Variants in GRK4 observed in about 807,000 individuals in gnomAD.
GRK4 encodes the protein G protein-coupled receptor kinase 2-like.
In GRK4, 73 loss-of-function variants were observed where a neutral mutation model predicts 77.9. That is an observed-to-expected ratio of 0.94 (90% CI 0.78 to 1.14). The LOEUF is 1.14. Among genes scored for constraint, GRK4 ranks in the 50% most tolerant of loss-of-function variants. The pLI is 0.00. For missense variants in GRK4, 729 were observed against 700.2 expected (o/e 1.04, Z -0.46); for synonymous variants, 257 against 254.4 (o/e 1.01, Z -0.10).
chr4:3,020,661 T>A lies in GRK4; in HGVS notation c.932+830T>A, dbSNP rs1294287283. 2.0e-5 allele frequency among the ~76,000 whole-genome samples: 3 copies of A among 152,174 alleles called. No homozygotes were observed. The East Asian group carries it at 5.8e-4, about 29-fold the overall frequency. On this transcript the variant is annotated intron_variant, in intron 9 of 15. Coordinates refer to ENST00000398052, the MANE Select transcript of GRK4 (RefSeq NM_182982.3). ...TCTCTTCTCAGTCACTCTCCCTGGG[T>A]AATTTCATTTCCTCCCTTCTGTGGG...
At chr4:3,032,142 C>T (rs1359825715) in intron 12 of GRK4, among the ~76,000 whole-genome samples, 1 of 152,076 alleles carries the variant, frequency 6.6e-6, no homozygotes, top group Admixed American at 6.5e-5. Flanking sequence ...CCCCTAAGAG[C>T]TCACAGTTTA....
chr4:2,964,180 A>G, intron 1 of GRK4, 58 bp downstream of exon 1: 2 of 1,297,886 alleles, frequency 1.5e-6, no homozygotes, highest in Non-Finnish European at 2.1e-6. Context: ...ATCCCGGGGA[A>G]CCCTGGCCCC....
chr4:2,973,662 C>T (rs1420331325), intron 1 of GRK4, among the ~76,000 whole-genome samples: 1 of 152,206 alleles, frequency 6.6e-6, no homozygotes, highest in East Asian at 1.9e-4. Context: ...CCGACCTTTT[C>T]TCACCTCCTC....
intron 6 of GRK4, among the ~76,000 whole-genome samples, chr4:3,009,239 G>A (rs1006309807): frequency 4.6e-5 from 7 of 150,638 alleles, no homozygotes; most frequent in Non-Finnish European, 8.9e-5. Flanking sequence ...TGGTAAACAT[G>A]GTGAAAACCC....
Position 2,988,842 on chromosome 4 carries a change from G to C in GRK4, c.261+3G>C, listed in dbSNP as rs764184921. ...ACATTGAATTCTTGGATGCAGTGGT[G>C]AGCAGTTTATCTCCATATTGAGCAA... On this transcript the variant is annotated splice_donor_region_variant and intron_variant, in intron 3 of 15. Coordinates refer to ENST00000398052, the MANE Select transcript of GRK4 (RefSeq NM_182982.3). The C allele has an allele frequency of 6.4e-7, 1 of 1,556,884 alleles. No individual in the cohort carries two copies. The highest frequency in any genetic ancestry group is 1.4e-5 in the African/African-American group (1 of 73,718).
intron 8 of GRK4, among the ~76,000 whole-genome samples, chr4:3,014,319 C>A (rs113253553): frequency 0.015 from 1,884 of 125,668 alleles, 46 homozygotes; most frequent in African/African-American, 0.058. Flanking sequence ...TTTTTTGACA[C>A]AGGGTTTCGC....
chr4:2,976,921 G>A lies in GRK4; in HGVS notation c.53-7592G>A, dbSNP rs773571059. The stretch of plus-strand genomic sequence containing the variant: ...CCCAAAGTGCTGGGATGACAGGCGC[G>A]AGCCACCGCACCCGGCCGAATTTTC... On this transcript the variant is annotated intron_variant, in intron 1 of 15. Coordinates refer to ENST00000398052, the MANE Select transcript of GRK4 (RefSeq NM_182982.3). Among the ~76,000 whole-genome samples, 18 of 152,112 alleles carry A rather than the reference G, an allele frequency of 1.2e-4. 1 individual carries two copies. The highest frequency in any genetic ancestry group is 2.2e-4 in the Non-Finnish European group (15 of 68,014).
chr4:3,009,743 T>G (rs1201311118), intron 7 of GRK4, 32 bp downstream of exon 7: 7 of 1,566,678 alleles, frequency 4.5e-6, no homozygotes, highest in Non-Finnish European at 6.2e-6. Flanking sequence ...ATAGCAGCGC[T>G]GCTAGCTGGG....
At chr4:3,009,590 T>A in intron 6 of GRK4, 58 bp from the exon 7 acceptor site, 2 of 1,351,240 alleles carry the variant, frequency 1.5e-6, no homozygotes, top group Non-Finnish European at 2.1e-6. Context: ...AGTAAACTTT[T>A]CTTTTTTAAA....
intron 7 of GRK4, 99 bp from the exon 8 acceptor site, chr4:3,013,589 C>A: frequency 7.1e-7 from 1 of 1,407,754 alleles, no homozygotes. Flanking sequence ...TGCTGCTGGT[C>A]TCTGCCAGTG....
At chr4:3,013,274 G>A (rs13146104) in intron 7 of GRK4, among the ~76,000 whole-genome samples, 72,125 of 151,560 alleles carry the variant, frequency 0.48, 18,749 homozygotes, top group African/African-American at 0.68. Flanking sequence ...TTGGTTTCGA[G>A]CTCCTGACCT....
At chr4:3,038,284 C>T (rs965428270) in intron 14 of GRK4, 92 bp from the exon 15 acceptor site, 76 of 1,518,200 alleles carry the variant, frequency 5.0e-5, no homozygotes, top group African/African-American at 7.0e-5. Context: ...GTGCCCCGCA[C>T]GGGGCTGGGC....
chr4:3,029,331 G>A lies in GRK4; in HGVS notation c.1191G>A (p.Glu397=). ...ACAAAGAGAAAGTCAAATGGGAGGA[G>A]GTCGATCAAAGAATCAAGAATGATA... ...KKYKEKVKWE[E]VDQRIKNDTE... The change falls in exon 12 of 16, where the codon GAG becomes GAA. Residue 397 remains glutamate (E), a synonymous_variant. Coordinates refer to ENST00000398052, the MANE Select transcript of GRK4 (RefSeq NM_182982.3). 7 of 1,614,110 alleles carry A rather than the reference G, an allele frequency of 4.3e-6. No homozygotes were observed. The highest frequency in any genetic ancestry group is 5.9e-6 in the Non-Finnish European group (7 of 1,180,008).
At chr4:2,990,281 A>C (rs1250596950) in intron 3 of GRK4, among the ~76,000 whole-genome samples, 1 of 83,114 alleles carries the variant, frequency 1.2e-5, no homozygotes, top group Non-Finnish European at 2.2e-5. Flanking sequence ...TTTGAGACAG[A>C]GTTTTGCTCT....
intron 5 of GRK4, 125 bp downstream of exon 5, chr4:3,004,459 C>T (rs1426413410): frequency 5.2e-6 from 3 of 580,076 alleles, no homozygotes; most frequent in Middle Eastern, 5.8e-4. Context: ...ACAACATGGG[C>T]ATTAGGGACG....
At chr4:3,008,083 T>G (rs1276810016) in intron 6 of GRK4, among the ~76,000 whole-genome samples, 3 of 152,244 alleles carry the variant, frequency 2.0e-5, no homozygotes, top group South Asian at 4.1e-4. Flanking sequence ...GCATACTGAT[T>G]GACGTAGACT....
intron 1 of GRK4, among the ~76,000 whole-genome samples, chr4:2,967,305 G>T (rs112170172): frequency 0.017 from 2,647 of 152,342 alleles, 28 homozygotes; most frequent in Middle Eastern, 0.082. Context: ...TTCCTTTCAG[G>T]AATGTTGGCA....
intron 13 of GRK4, among the ~76,000 whole-genome samples, chr4:3,036,124 C>T (rs992735926): frequency 6.6e-5 from 10 of 152,242 alleles, no homozygotes; most frequent in African/African-American, 1.9e-4. Flanking sequence ...CCTGGCCACC[C>T]GTGTCCCCTT....
rs537209722 is a variant in GRK4, at chr4:3,032,298, TGG to T, written c.1269+2890_1269+2891del. 4.6e-4 allele frequency among the ~76,000 whole-genome samples: 67 copies of T among 144,896 alleles called. 1 individual carries two copies. In the East Asian group the frequency reaches 8.2e-3, roughly 18 times the overall value. On this transcript the variant is annotated intron_variant, in intron 12 of 15. Coordinates refer to ENST00000398052, the MANE Select transcript of GRK4 (RefSeq NM_182982.3). ...GAGTTTGAGACCAGCCTGGCCAAGA[TGG>T]TGAAATCCTATCTCTACTAAAAAAA...
Sources: allele counts gnomAD v4.1 joint callset (sites outside exome capture counted in the v4.1 genomes callset), GRCh38; gene constraint gnomAD v4.1.1; transcripts MANE v1.5; gene names NCBI Gene and HGNC (gene_info 2026-07-23, HGNC 2026-07-21).